The following MARF1 variants were observed in gnomAD, a reference collection of about 807,000 sequenced individuals.
MARF1 encodes the protein limkain-b1.
A neutral mutation model predicts 168.2 loss-of-function variants in MARF1; 24 were observed. The ratio of observed to expected loss-of-function variants is 0.14; its 90% CI spans 0.10 to 0.20. MARF1 has a LOEUF of 0.20. MARF1 is among the 10% of genes least tolerant of loss of function. MARF1 has a pLI of 1.00. For missense variants in MARF1, 1,744 were observed against 2,143.6 expected (o/e 0.81, Z 3.68); for synonymous variants, 868 against 822.4 (o/e 1.06, Z -0.95).
At chr16:15,614,173 G>C (rs2033834426) in intron 16 of MARF1, among the ~76,000 whole-genome samples, 1 of 152,058 alleles carries the variant, frequency 6.6e-6, no homozygotes, top group South Asian at 2.1e-4. Context: ...ATACCTGAAA[G>C]TACTTTTTTT....
At chr16:15,602,648 AAAG>A (rs2032616495) in intron 22 of MARF1, 1 of 70,714 alleles carries the variant, frequency 1.4e-5, no homozygotes, top group African/African-American at 3.4e-4. Flanking sequence ...AGGAGAAAGA[AAAG>A]GAGGAGGGAT....
chr16:15,602,647 A>G lies in MARF1; in HGVS notation c.4414-444T>C, dbSNP rs28370438. On this transcript the variant is annotated intron_variant, in intron 22 of 26. Transcript: ENST00000396368. ...GAAGGAAAGAAGGAAGAGGAGAAAGAAAAGGAGGAGGGATATATTCAAGGA... is the reference window on the plus strand; with the variant it reads ...GAAGGAAAGAAGGAAGAGGAGAAAGGAAAGGAGGAGGGATATATTCAAGGA... 9.8e-3 allele frequency: 4,483 copies of G among 458,814 alleles called. 168 individuals carry two copies. Among genetic ancestry groups the G allele is most frequent in the African/African-American group, 0.082 (4,125 of 50,196 alleles). The allele number at this position is 458,814 out of a possible 1,614,324, so 28.4% of individuals were successfully genotyped here.
At chr16:15,632,429 T>C (rs2035311552) in intron 5 of MARF1, among the ~76,000 whole-genome samples, 1 of 152,184 alleles carries the variant, frequency 6.6e-6, no homozygotes, top group Non-Finnish European at 1.5e-5. Context: ...TTTCCGTCCC[T>C]ACTAATAAGC....
intron 13 of MARF1, among the ~76,000 whole-genome samples, chr16:15,619,459 C>G (rs570239881): frequency 1.3e-5 from 2 of 152,218 alleles, no homozygotes; most frequent in South Asian, 4.1e-4. Context: ...TCAGACACCA[C>G]TGCTACGAGA....
chr16:15,617,665 T>C (rs2034168435), intron 13 of MARF1, 130 bp from the exon 14 acceptor site: 1 of 665,226 alleles, frequency 1.5e-6, no homozygotes, highest in African/African-American at 1.8e-5. Flanking sequence ...AAAACTGGAA[T>C]AATTCTACTA....
Position 15,602,172 on chromosome 16 carries a change from A to G in MARF1, c.4445T>C (p.Val1482Ala), listed in dbSNP as rs1203333375. 2 of 1,614,182 alleles carry G rather than the reference A, an allele frequency of 1.2e-6. No homozygotes were observed. Among genetic ancestry groups the G allele is most frequent in the Admixed American group, 3.3e-5 (2 of 60,024 alleles). The change falls in exon 23 of 27, where the codon GTG becomes GCG. Residue 1482 changes from valine to alanine, a missense_variant. Physicochemically the swap from Val to Ala is moderately conservative, Grantham distance 64. Around this residue, in one of 7 missense-constraint regions of MARF1, gnomAD observed 313 missense variants for 337.4 expected, o/e 0.93. Transcript: ENST00000396368. ...VFTNDKMEEC[V>A]KLTSLYLFAK... Reference sequence around the variant, plus strand: ...AAACAAATACAGACTTGTGAGCTTCACACATTCTTCCATCTTATCATTAGT... The same window carrying G: ...AAACAAATACAGACTTGTGAGCTTCGCACATTCTTCCATCTTATCATTAGT...
intron 21 of MARF1, among the ~76,000 whole-genome samples, chr16:15,605,025 C>T (rs2032882248): frequency 2.0e-5 from 3 of 152,192 alleles, no homozygotes; most frequent in African/African-American, 7.2e-5. Flanking sequence ...CGGTTAAATG[C>T]GCTGAGAGGG....
chr16:15,630,170 T>C (rs914334076), intron 7 of MARF1, 162 bp downstream of exon 7: 16 of 501,052 alleles, frequency 3.2e-5, no homozygotes, highest in Non-Finnish European at 4.5e-5. Flanking sequence ...ATCTGTATAT[T>C]TGTGAGAAGA....
intron 16 of MARF1, among the ~76,000 whole-genome samples, 157 bp downstream of exon 16, chr16:15,615,673 C>T (rs1344527268): frequency 3.9e-5 from 6 of 152,104 alleles, no homozygotes; most frequent in Non-Finnish European, 8.8e-5. Context: ...AACGCCAACC[C>T]CTCAAGCATT....
intron 2 of MARF1, among the ~76,000 whole-genome samples, chr16:15,638,273 T>C (rs1371726206): frequency 1.3e-5 from 2 of 152,070 alleles, no homozygotes; most frequent in Non-Finnish European, 2.9e-5. Flanking sequence ...GGTGGTAACA[T>C]GAGTGCATGA....
At chr16:15,625,873 G>T in intron 7 of MARF1, 73 bp from the exon 8 acceptor site, 1 of 1,228,266 alleles carries the variant, frequency 8.1e-7, no homozygotes, top group Non-Finnish European at 1.2e-6. Flanking sequence ...TAAGAACAAT[G>T]GGTGACCTCC....
In MARF1 at chr16:15,601,975, T is replaced by A. The variant is rs764179050; in HGVS notation, c.4626+16A>T. 8 of 1,610,008 alleles carry A rather than the reference T, an allele frequency of 5.0e-6. No individual in the cohort carries two copies. In the Admixed American group the frequency reaches 6.7e-5, roughly 13 times the overall value. ...GTTCAGAAGATGCTCTCCCGGAAGC[T>A]GAGAAAAATGCCCACCTGTGGAATT... On this transcript the variant is annotated intron_variant, in intron 23 of 26. Coordinates refer to ENST00000396368, the MANE Select transcript of MARF1 (RefSeq NM_014647.4).
Position 15,608,515 on chromosome 16 carries a change from A to T in MARF1, c.3958T>A (p.Leu1320Met). The T allele has an allele frequency of 6.2e-7, 1 of 1,611,822 alleles. No homozygotes were observed. Among genetic ancestry groups the T allele is most frequent in the Non-Finnish European group, 8.5e-7 (1 of 1,178,064 alleles). ...AGGATCTTTTCTTCTCCACATTCCA[A>T]TACCTTTGAAAACACACGGGGGGAG... Reference protein sequence around the residue: ...FEAIPDTLQVLECGEEKILTL... With the variant: ...FEAIPDTLQVMECGEEKILTL... Residue 1320 changes from leucine to methionine, a missense_variant, in exon 21 of 27, where the codon TTG (leucine) becomes ATG (methionine). By Grantham distance (15) the Leu-to-Met change is conservative. Around this residue, in one of 7 missense-constraint regions of MARF1, gnomAD observed 543 missense variants for 742.1 expected, o/e 0.73. Transcript: ENST00000396368.
At position 15,604,366 on chromosome 16, in the gene MARF1, C is replaced by A. The variant is rs1339976108; in HGVS notation, c.4215G>T (p.Gln1405His). 1.2e-6 allele frequency: 2 copies of A among 1,614,124 alleles called. No individual in the cohort carries two copies. Among genetic ancestry groups the A allele is most frequent in the Admixed American group, 3.3e-5 (2 of 60,026 alleles). ...VADIESGRQI[Q>H]LINRKSLRSL... ...ATCGCAGAGACTTTCGGTTGATCAG[C>A]TGAATCTGTCTGCCAGATTCTATAT... The change falls in exon 22 of 27, where the codon CAG becomes CAT. Residue 1405 changes from glutamine to histidine, a missense_variant. Around this residue, in one of 7 missense-constraint regions of MARF1, gnomAD observed 74 missense variants for 66.7 expected, o/e 1.11. Transcript: ENST00000396368.
intron 20 of MARF1, 66 bp downstream of exon 20, chr16:15,609,457 G>A (rs556870367): frequency 2.2e-5 from 30 of 1,351,690 alleles, no homozygotes; most frequent in Middle Eastern, 1.9e-4. Context: ...GGTCTGGAAC[G>A]TGAAAAAGTA....
chr16:15,637,371 G>A (rs1596508455), intron 2 of MARF1, among the ~76,000 whole-genome samples: 1 of 152,158 alleles, frequency 6.6e-6, no homozygotes, highest in African/African-American at 2.4e-5. Flanking sequence ...TCCATCTGAC[G>A]CCTAAAATTC....
At chr16:15,608,948 G>GT (rs2033269514) in intron 20 of MARF1, among the ~76,000 whole-genome samples, 1 of 152,196 alleles carries the variant, frequency 6.6e-6, no homozygotes, top group African/African-American at 2.4e-5. Context: ...AATATTCAGT[G>GT]TAAGAAATCA....
intron 7 of MARF1, among the ~76,000 whole-genome samples, chr16:15,626,960 T>A (rs1168147100): frequency 5.4e-5 from 3 of 55,056 alleles, no homozygotes; most frequent in Non-Finnish European, 9.8e-5. Context: ...CGAGATTCTG[T>A]GAAAAAAAAA....
At chr16:15,613,198 T>C (rs1173225487) in intron 16 of MARF1, among the ~76,000 whole-genome samples, 2 of 152,112 alleles carry the variant, frequency 1.3e-5, no homozygotes, top group African/African-American at 2.4e-5. Flanking sequence ...AATTAATCCA[T>C]AGTGGAGCTG....
Sources: gnomAD v4.1 joint callset for allele counts (sites outside exome capture counted in the v4.1 genomes callset) on GRCh38, gnomAD v4.1.1 for gene constraint, gnomAD v4.1.1 regional missense constraint, MANE v1.5 for transcripts, NCBI Gene and HGNC (gene_info 2026-07-23, HGNC 2026-07-21) for gene names.